Variants in MAP2K5 observed in about 807,000 individuals in gnomAD.
The protein encoded by MAP2K5 is mitogen-activated protein kinase kinase 5, also known as dual specificity mitogen-activated protein kinase kinase 5.
Under a neutral mutation model 83.1 loss-of-function variants are expected in MAP2K5, and 49 were observed. The observed-to-expected ratio is 0.59, with a 90% confidence interval of 0.47 to 0.75. The LOEUF (loss-of-function observed/expected upper bound fraction) is 0.75, where lower values mean the gene tolerates loss of function less well. Among genes scored for constraint, MAP2K5 ranks in the 30% least tolerant of loss-of-function variants. MAP2K5 has a pLI of 0.00. For synonymous variants in MAP2K5, 202 were observed against 191.8 expected (o/e 1.05, Z -0.44); for missense variants, 457 against 557.5 (o/e 0.82, Z 1.82).
intron 16 of MAP2K5, among the ~76,000 whole-genome samples, chr15:67,711,786 A>G (rs999468121): frequency 1.3e-5 from 2 of 152,246 alleles, no homozygotes; most frequent in African/African-American, 4.8e-5. Context: ...AGGGCTGAGA[A>G]TACAAGCAAG....
intron 13 of MAP2K5, among the ~76,000 whole-genome samples, chr15:67,667,698 A>T (rs536551598): frequency 6.6e-6 from 1 of 152,344 alleles, no homozygotes; most frequent in South Asian, 2.1e-4. Flanking sequence ...CAAATTTCAA[A>T]AGATTAAGAA....
In MAP2K5 at chr15:67,647,896, T is replaced by G. The variant is rs1833598684; in HGVS notation, c.736+1427T>G. On this transcript the variant is annotated intron_variant, in intron 11 of 21. Coordinates refer to ENST00000178640, the MANE Select transcript of MAP2K5 (RefSeq NM_145160.3). ...AAAAAATAAAAAAAGGAAAATTAGC[T>G]AAGCATGGTGGTACGGGCCTGTAGT... Among the ~76,000 whole-genome samples the G allele has an allele frequency of 4.6e-5, 7 of 150,608 alleles. No homozygotes were observed. In the South Asian group the frequency reaches 1.5e-3, roughly 32 times the overall value.
chr15:67,741,435 G>A (rs2089489632), intron 17 of MAP2K5, among the ~76,000 whole-genome samples: 1 of 152,134 alleles, frequency 6.6e-6, no homozygotes, highest in African/African-American at 2.4e-5. Context: ...AATGGTTATT[G>A]GGGTTCCTGG....
intron 13 of MAP2K5, among the ~76,000 whole-genome samples, chr15:67,673,049 G>C (rs1173782536): frequency 6.6e-6 from 1 of 152,146 alleles, no homozygotes; most frequent in Non-Finnish European, 1.5e-5. Flanking sequence ...GTACCATGCT[G>C]TTTTGTTTAC....
In MAP2K5 at chr15:67,638,552, TAATAG is replaced by T. The variant is rs753201811; in HGVS notation, c.585+7629_585+7633del. Among the ~76,000 whole-genome samples the T allele has an allele frequency of 7.5e-4, 114 of 152,370 alleles. No individual in the cohort carries two copies. The highest frequency in any genetic ancestry group is 8.7e-4 in the Non-Finnish European group (59 of 68,040). On this transcript the variant is annotated intron_variant, in intron 9 of 21. Transcript: ENST00000178640. The surrounding 1 kb of genome is among the most constrained non-coding windows in gnomAD (Gnocchi z 4.5). The stretch of plus-strand genomic sequence containing the variant: ...GACCATTTGCATGCGTGTGTCTTTA[TAATAG>T]AATGCTTTATATTCATTTGGGTATA...
chr15:67,595,659 A>C (rs1596618729), intron 7 of MAP2K5, among the ~76,000 whole-genome samples: 1 of 152,198 alleles, frequency 6.6e-6, no homozygotes, highest in Admixed American at 6.5e-5. Flanking sequence ...AAAGTTTAAC[A>C]CTTAGTCTTT....
intron 8 of MAP2K5, chr15:67,628,116 G>T: frequency 1.2e-6 from 1 of 807,872 alleles, no homozygotes; most frequent in Non-Finnish European, 2.1e-6. Context: ...AAAGAGAGCT[G>T]TCTCAAGAGG....
At chr15:67,799,734 A>C (rs2090668055) in intron 21 of MAP2K5, among the ~76,000 whole-genome samples, 1 of 152,164 alleles carries the variant, frequency 6.6e-6, no homozygotes, top group Non-Finnish European at 1.5e-5. Flanking sequence ...GGGCCCACCC[A>C]CCCAATGTTG....
rs1435875675 is a variant in MAP2K5 at position 67,779,865 on chromosome 15, G to A, written c.1242+7113G>A. Among the ~76,000 whole-genome samples, 5 of 152,088 alleles carry A rather than the reference G, an allele frequency of 3.3e-5. No individual in the cohort carries two copies. Among genetic ancestry groups the A allele is most frequent in the Admixed American group, 6.5e-5 (1 of 15,274 alleles). ...CTCTTCAGTGCCGTGCCAGATTTGC[G>A]GCAGCGGGAGGCTAAGGTGGGTCTT... On this transcript the variant is annotated intron_variant, in intron 21 of 21. Transcript: ENST00000178640. This position sits in a 1 kb window ranked among gnomAD's most constrained non-coding sequence, Gnocchi z 4.6.
Position 67,577,722 on chromosome 15 carries a change from C to A in MAP2K5, c.253-3032C>A, listed in dbSNP as rs1488194113. On this transcript the variant is annotated intron_variant, in intron 3 of 21. Transcript: ENST00000178640. The surrounding 1 kb of genome is among the most constrained non-coding windows in gnomAD (Gnocchi z 4.1). Reference sequence around the variant, plus strand: ...CCAGATCTAAAAACAATTTGCTGGCCGTGTGCAGTGGCTCACGCCTGTAAT... The same window carrying A: ...CCAGATCTAAAAACAATTTGCTGGCAGTGTGCAGTGGCTCACGCCTGTAAT... 6.6e-6 allele frequency among the ~76,000 whole-genome samples: 1 copy of A among 152,098 alleles called. No individual in the cohort carries two copies. Among genetic ancestry groups the A allele is most frequent in the Non-Finnish European group, 1.5e-5 (1 of 68,018 alleles).
intron 20 of MAP2K5, among the ~76,000 whole-genome samples, chr15:67,771,880 ATC>A (rs1381592804): frequency 6.6e-6 from 1 of 152,194 alleles, no homozygotes; most frequent in African/African-American, 2.4e-5. Context: ...AGAAGCAGCA[ATC>A]TCTTTTCATG....
chr15:67,744,014 ACTAT>A (rs1235834262), intron 17 of MAP2K5, among the ~76,000 whole-genome samples: 1 of 152,216 alleles, frequency 6.6e-6, no homozygotes, highest in Non-Finnish European at 1.5e-5. Context: ...CAGGCCAGGC[ACTAT>A]CTATGACTTT....
intron 21 of MAP2K5, among the ~76,000 whole-genome samples, chr15:67,787,901 G>A (rs1328421373): frequency 6.6e-6 from 1 of 152,124 alleles, no homozygotes; most frequent in Admixed American, 6.5e-5. Context: ...CAGACCCTAG[G>A]ACAAATAAAA....
chr15:67,711,492 C>T (rs2088690804), intron 16 of MAP2K5, among the ~76,000 whole-genome samples: 2 of 152,138 alleles, frequency 1.3e-5, no homozygotes, highest in Admixed American at 6.5e-5. Context: ...GGACAAAGTT[C>T]ACAAGGGAAA....
chr15:67,614,361 A>G (rs1447848409), intron 8 of MAP2K5, among the ~76,000 whole-genome samples: 1 of 152,212 alleles, frequency 6.6e-6, no homozygotes, highest in East Asian at 1.9e-4. Flanking sequence ...GTAGCCATTT[A>G]TGTATCTGAT....
chr15:67,591,468 G>A (rs2085407783), intron 6 of MAP2K5, among the ~76,000 whole-genome samples: 1 of 151,362 alleles, frequency 6.6e-6, no homozygotes, highest in Admixed American at 6.6e-5. Context: ...TCTGCCTCCT[G>A]GGTTCACACC....
At chr15:67,547,516 C>T (rs1485303305) in intron 1 of MAP2K5, among the ~76,000 whole-genome samples, 1 of 142,804 alleles carries the variant, frequency 7.0e-6, no homozygotes. Context: ...AATGCAGTGG[C>T]GTGATCTCGG....
chr15:67,725,341 C>T lies in MAP2K5; in HGVS notation c.1045-2575C>T, dbSNP rs117102195. On this transcript the variant is annotated intron_variant, in intron 16 of 21. Coordinates refer to ENST00000178640, the MANE Select transcript of MAP2K5 (RefSeq NM_145160.3). ...CTGTAGAACCATGACCACTTGCAAC[C>T]GGAAGCTTTGTGTTGAATCGGGAAG... Among the ~76,000 whole-genome samples the T allele has an allele frequency of 1.1e-4, 16 of 152,326 alleles. No homozygotes were observed. In the East Asian group the frequency reaches 1.3e-3, roughly 13 times the overall value.
intron 6 of MAP2K5, chr15:67,588,236 C>A: frequency 4.1e-6 from 1 of 241,954 alleles, no homozygotes; most frequent in Non-Finnish European, 6.7e-6. Context: ...TGCTGATGAA[C>A]ACATAGTGCC....
Sources: allele counts gnomAD v4.1 joint callset (sites outside exome capture counted in the v4.1 genomes callset), GRCh38; gene constraint gnomAD v4.1.1; non-coding constraint Gnocchi (gnomAD v3.1); transcripts MANE v1.5; gene names NCBI Gene and HGNC (gene_info 2026-07-23, HGNC 2026-07-21).